The following PLEKHG1 variants were observed in gnomAD, a reference collection of about 807,000 sequenced individuals.
The protein encoded by PLEKHG1 is pleckstrin homology domain-containing family G member 1.
PLEKHG1 carries 44 observed loss-of-function variants against 100.8 expected under a neutral mutation model. That is an observed-to-expected ratio of 0.44 (90% CI 0.34 to 0.56). The LOEUF (loss-of-function observed/expected upper bound fraction) is 0.56, where lower values mean the gene tolerates loss of function less well. Ranked by LOEUF, PLEKHG1 falls within the 20% of genes least tolerant of loss-of-function variation. The pLI, the probability that PLEKHG1 is intolerant of heterozygous loss-of-function variation, is 0.01. For synonymous variants in PLEKHG1, 640 were observed against 662.5 expected, an observed-to-expected ratio of 0.97 and a Z score of 0.52; for missense variants, 1,545 against 1,720.9, an observed-to-expected ratio of 0.90 and a Z score of 1.81.
intron 6 of PLEKHG1, among the ~76,000 whole-genome samples, chr6:150,801,398 C>T (rs1309062010): frequency 6.0e-5 from 9 of 151,234 alleles, no homozygotes; most frequent in African/African-American, 1.7e-4. Context: ...TTAGAAACAA[C>T]GATAATCATA....
chr6:150,677,600 C>A (rs1023798105), intron 3 of PLEKHG1, among the ~76,000 whole-genome samples: 2 of 152,096 alleles, frequency 1.3e-5, no homozygotes, highest in Non-Finnish European at 2.9e-5. Context: ...TGATACATAC[C>A]CCTCATGTAG....
At chr6:150,842,336 C>A (rs1777561916) in exon 16 of PLEKHG1, 1 of 152,028 alleles carries the variant, frequency 6.6e-6, no homozygotes, top group South Asian at 2.1e-4. Flanking sequence ...TTAAAAGATA[C>A]AATAATATAT....
At chr6:150,659,549 C>A (rs1779101857) in intron 3 of PLEKHG1, among the ~76,000 whole-genome samples, 1 of 152,184 alleles carries the variant, frequency 6.6e-6, no homozygotes, top group South Asian at 2.1e-4. Flanking sequence ...ACAATGCCTG[C>A]CATAGTGAGT....
exon 3 of PLEKHG1, chr6:150,768,720 A>G (rs1451159703): frequency 6.3e-6 from 10 of 1,590,376 alleles, no homozygotes; most frequent in Admixed American, 3.3e-5. Flanking sequence ...AACATACAGG[A>G]TATCTACCAC....
intron 2 of PLEKHG1, among the ~76,000 whole-genome samples, chr6:150,762,985 C>T (rs1234374548): frequency 6.7e-6 from 1 of 149,300 alleles, no homozygotes; most frequent in African/African-American, 2.5e-5. Context: ...CATGTTCTCC[C>T]TCATTCTCCT....
chr6:150,717,025 T>C (rs1356423870), upstream of PLEKHG1, among the ~76,000 whole-genome samples: 2 of 151,756 alleles, frequency 1.3e-5, no homozygotes, highest in African/African-American at 4.8e-5. Flanking sequence ...CTAAGTTTTG[T>C]ATTCATTTAT....
chr6:150,619,378 G>A (rs183651210), intron 1 of PLEKHG1, among the ~76,000 whole-genome samples: 169 of 152,270 alleles, frequency 1.1e-3, no homozygotes, highest in South Asian at 4.4e-3. Flanking sequence ...CTTCTGCCTT[G>A]TAGAGTCTTT....
chr6:150,768,971 C>A (rs1050607779), intron 3 of PLEKHG1, among the ~76,000 whole-genome samples: 1 of 152,116 alleles, frequency 6.6e-6, no homozygotes, highest in African/African-American at 2.4e-5. Context: ...AACCTATTTG[C>A]CCTGGTGGGG....
At chr6:150,618,232 T>G (rs4870537) in intron 1 of PLEKHG1, among the ~76,000 whole-genome samples, 11,335 of 152,288 alleles carry the variant, frequency 0.074, 531 homozygotes, top group Non-Finnish European at 0.1. Context: ...AGTGAAACAA[T>G]GAAGATGATG....
intron 3 of PLEKHG1, among the ~76,000 whole-genome samples, chr6:150,692,830 A>C (rs1414270163): frequency 2.6e-5 from 4 of 152,206 alleles, no homozygotes; most frequent in African/African-American, 4.8e-5. Flanking sequence ...AATTAGTTAC[A>C]CTGTCAGAGC....
chr6:150,797,391 G>C (rs184168663), intron 5 of PLEKHG1, among the ~76,000 whole-genome samples: 30 of 152,266 alleles, frequency 2.0e-4, no homozygotes, highest in Non-Finnish European at 3.7e-4. Context: ...GGATGTTGCT[G>C]CATGTGGTGG....
At chr6:150,789,368 C>T (rs1785830278) in intron 4 of PLEKHG1, among the ~76,000 whole-genome samples, 1 of 152,198 alleles carries the variant, frequency 6.6e-6, no homozygotes, top group South Asian at 2.1e-4. Context: ...TGGTATCTAA[C>T]TAGGAGCTGT....
chr6:150,799,910 T>C (rs957977187), intron 5 of PLEKHG1, among the ~76,000 whole-genome samples: 8 of 152,228 alleles, frequency 5.3e-5, no homozygotes, highest in African/African-American at 1.9e-4. Flanking sequence ...CGCGTGTGAC[T>C]GCACAAGCCG....
intron 10 of PLEKHG1, among the ~76,000 whole-genome samples, chr6:150,816,509 G>A (rs2128675233): frequency 6.6e-6 from 1 of 151,568 alleles, no homozygotes; most frequent in East Asian, 1.9e-4. Context: ...TGTATTTTTA[G>A]TAGAGACGGT....
At chr6:150,775,847 C>T (rs1434959379) in intron 3 of PLEKHG1, among the ~76,000 whole-genome samples, 1 of 151,716 alleles carries the variant, frequency 6.6e-6, no homozygotes, top group Non-Finnish European at 1.5e-5. Flanking sequence ...GATATTTTTA[C>T]CCACGCTTTT....
intron 6 of PLEKHG1, among the ~76,000 whole-genome samples, chr6:150,801,800 G>A (rs1786729439): frequency 6.6e-6 from 1 of 151,894 alleles, no homozygotes; most frequent in Non-Finnish European, 1.5e-5. Context: ...AAGTATTACC[G>A]CAAGTAATTT....
At chr6:150,626,838 G>A (rs1195530764) in intron 1 of PLEKHG1, among the ~76,000 whole-genome samples, 1 of 152,150 alleles carries the variant, frequency 6.6e-6, no homozygotes, top group Non-Finnish European at 1.5e-5. Flanking sequence ...GCGTGTGTGT[G>A]TGTTTTGTAT....
intron 3 of PLEKHG1, among the ~76,000 whole-genome samples, chr6:150,680,006 GGAT>G (rs1299637401): frequency 1.3e-5 from 2 of 152,170 alleles, no homozygotes; most frequent in African/African-American, 4.8e-5. Context: ...AAGGGGGCCA[GGAT>G]GGGAACATGT....
Position 150,690,304 on chromosome 6 carries a change from G to C in PLEKHG1, c.-99+39518G>C, listed in dbSNP as rs182257108. On this transcript the variant is annotated intron_variant, in intron 3 of 3. Coordinates refer to the PLEKHG1 transcript ENST00000367326. Reference sequence around the variant, plus strand: ...GTGGAGATGTGTGGGATCCTGGTGCGCCCATCACCCAAGCAGCATACACTG... The same window carrying C: ...GTGGAGATGTGTGGGATCCTGGTGCCCCCATCACCCAAGCAGCATACACTG... Among the ~76,000 whole-genome samples, 940 of 151,890 alleles carry C rather than the reference G, an allele frequency of 6.2e-3. 10 individuals are homozygous for C. The highest frequency in any genetic ancestry group is 9.1e-3 in the Admixed American group (139 of 15,238).
Sources: gnomAD v4.1 joint callset for allele counts (sites outside exome capture counted in the v4.1 genomes callset) on GRCh38, gnomAD v4.1.1 for gene constraint, MANE v1.5 for transcripts, NCBI Gene and HGNC (gene_info 2026-07-23, HGNC 2026-07-21) for gene names.